The following TTC28 variants were observed in gnomAD, a reference collection of about 807,000 sequenced individuals.
TTC28 encodes tetratricopeptide repeat domain 28.
Under a neutral mutation model 198.0 loss-of-function variants are expected in TTC28, and 61 were observed. The ratio of observed to expected loss-of-function variants is 0.31; its 90% CI spans 0.25 to 0.38. The LOEUF is 0.38. TTC28 is among the 10% of genes least tolerant of loss of function. TTC28 has a pLI of 1.00. For missense variants in TTC28, 2,678 were observed against 3,164.0 expected, an observed-to-expected ratio of 0.85 and a Z score of 3.69; for synonymous variants, 1,171 against 1,297.8, an observed-to-expected ratio of 0.90 and a Z score of 2.10.
Position 28,189,575 on chromosome 22 carries a change from C to T in TTC28, c.934-25976G>A, listed in dbSNP as rs1296431437. 4.0e-5 allele frequency among the ~76,000 whole-genome samples: 6 copies of T among 148,502 alleles called. No individual in the cohort carries two copies. The East Asian group carries it at 6.0e-4, about 15-fold the overall frequency. On this transcript the variant is annotated intron_variant, in intron 5 of 22. Coordinates refer to ENST00000397906, the MANE Select transcript of TTC28 (RefSeq NM_001145418.2). ...ATTCTACGCAATGAAAAAAAAAAAC[C>T]AAAAAGAAAAAAAAGACCTTCTGTG...
intron 2 of TTC28, among the ~76,000 whole-genome samples, chr22:28,557,601 T>C (rs1250155266): frequency 6.6e-6 from 1 of 152,234 alleles, no homozygotes; most frequent in Non-Finnish European, 1.5e-5. Flanking sequence ...ATTTTATGCA[T>C]AGTTATTTAA....
At chr22:28,679,471 C>G in intron 1 of TTC28, 151 bp downstream of exon 1, 1 of 513,890 alleles carries the variant, frequency 1.9e-6, no homozygotes, top group Non-Finnish European at 3.3e-6. Context: ...GACCAGGTCC[C>G]GCCGCCTCAC....
chr22:28,360,199 A>T (rs2046137523), intron 2 of TTC28, among the ~76,000 whole-genome samples: 1 of 152,074 alleles, frequency 6.6e-6, no homozygotes, highest in East Asian at 1.9e-4. Context: ...CTTCAAACAA[A>T]ATCTTAACCA....
intron 2 of TTC28, among the ~76,000 whole-genome samples, chr22:28,516,918 G>A (rs979886426): frequency 7.9e-5 from 12 of 152,126 alleles, no homozygotes; most frequent in African/African-American, 2.7e-4. Context: ...TCACTTGCCA[G>A]TCGAAAGTAT....
chr22:28,236,123 C>T (rs1470486432), intron 5 of TTC28, among the ~76,000 whole-genome samples: 1 of 152,178 alleles, frequency 6.6e-6, no homozygotes, highest in African/African-American at 2.4e-5. Flanking sequence ...CCCCACAGAT[C>T]CCCTCCACAC....
intron 2 of TTC28, among the ~76,000 whole-genome samples, chr22:28,332,309 T>C (rs1199619904): frequency 6.6e-6 from 1 of 152,122 alleles, no homozygotes; most frequent in Non-Finnish European, 1.5e-5. Flanking sequence ...ATTAATATCT[T>C]ATGTAAAGAA....
rs527648400 is a variant in TTC28 at position 28,423,328 on chromosome 22, T to C, written c.382-116685A>G. Among the ~76,000 whole-genome samples the C allele has an allele frequency of 2.4e-4, 37 of 152,144 alleles. No individual in the cohort carries two copies. The East Asian group carries it at 6.2e-3, about 25-fold the overall frequency. On this transcript the variant is annotated intron_variant, in intron 2 of 22. Transcript: ENST00000397906. ...TTGCTTGAACCCAGGAGGCAGAGGT[T>C]GCAGTGAGCCAAGATTGCACCACTG...
intron 5 of TTC28, among the ~76,000 whole-genome samples, chr22:28,245,006 T>C (rs971908915): frequency 1.3e-5 from 2 of 152,144 alleles, no homozygotes; most frequent in African/African-American, 4.8e-5. Flanking sequence ...AGTAGAAACA[T>C]TATGTATTCA....
At chr22:28,321,554 T>G (rs1446705458) in intron 2 of TTC28, among the ~76,000 whole-genome samples, 1 of 152,190 alleles carries the variant, frequency 6.6e-6, no homozygotes, top group East Asian at 1.9e-4. Context: ...TTTGTAGCTC[T>G]GTGATTTGGG....
At chr22:28,407,186 A>C (rs1463652172) in intron 2 of TTC28, among the ~76,000 whole-genome samples, 3 of 152,226 alleles carry the variant, frequency 2.0e-5, no homozygotes, top group Non-Finnish European at 4.4e-5. Context: ...ATTCTGACTT[A>C]TTTTAACCTA....
chr22:28,386,273 T>TC (rs1233360267), intron 2 of TTC28, among the ~76,000 whole-genome samples: 3 of 17,592 alleles, frequency 1.7e-4, no homozygotes. Flanking sequence ...AGACTCCGTC[T>TC]CAAAAAAAAA....
At chr22:28,560,265 T>C (rs757285974) in intron 2 of TTC28, among the ~76,000 whole-genome samples, 6 of 152,212 alleles carry the variant, frequency 3.9e-5, no homozygotes, top group Non-Finnish European at 8.8e-5. Flanking sequence ...TAAGTTATCA[T>C]TTCTTTCCTG....
intron 5 of TTC28, among the ~76,000 whole-genome samples, chr22:28,223,050 G>A (rs1205035333): frequency 1.3e-5 from 2 of 152,132 alleles, no homozygotes; most frequent in African/African-American, 2.4e-5. Flanking sequence ...TCAGACTTTT[G>A]GAGAGAAAAT....
intron 5 of TTC28, among the ~76,000 whole-genome samples, chr22:28,168,501 C>A (rs1455590199): frequency 6.6e-6 from 1 of 152,030 alleles, no homozygotes; most frequent in Non-Finnish European, 1.5e-5. Context: ...AGAACAGAGC[C>A]CTCAGAAATA....
intron 1 of TTC28, among the ~76,000 whole-genome samples, chr22:28,672,088 G>T (rs951745006): frequency 1.1e-4 from 17 of 151,920 alleles, no homozygotes; most frequent in Admixed American, 7.9e-4. Context: ...GTGCAGTGGT[G>T]TGATCTCAGC....
In TTC28 at chr22:28,007,983, A is replaced by C. The variant is rs1389560160; in HGVS notation, c.4218+6265T>G. 2.0e-5 allele frequency: 3 copies of C among 152,206 alleles called. 1 individual carries two copies. Among genetic ancestry groups the C allele is most frequent in the Admixed American group, 2.0e-4 (3 of 15,282 alleles). The allele number at this position is 152,206 out of a possible 1,614,324, so 9.4% of individuals were successfully genotyped here. A position where few individuals can be genotyped will look rare whatever the true frequency, so the allele number is the denominator to read the frequency against. Reference sequence around the variant, plus strand: ...ACTACAGATGTCTCAATCAGAAATCAATTAGACAGCCTGGTGGTGGGGCTG... The same window carrying C: ...ACTACAGATGTCTCAATCAGAAATCCATTAGACAGCCTGGTGGTGGGGCTG... On this transcript the variant is annotated intron_variant, in intron 14 of 22. Transcript: ENST00000397906.
chr22:28,184,966 T>A (rs1323619945), intron 5 of TTC28, among the ~76,000 whole-genome samples: 1 of 152,156 alleles, frequency 6.6e-6, no homozygotes, highest in African/African-American at 2.4e-5. Context: ...ACTCAAGGTC[T>A]AGCAAAATGC....
At chr22:28,394,926 T>C (rs750729904) in intron 2 of TTC28, among the ~76,000 whole-genome samples, 29 of 152,160 alleles carry the variant, frequency 1.9e-4, no homozygotes, top group Non-Finnish European at 4.0e-4. Flanking sequence ...TATGACTATG[T>C]GCTCCAGAAC....
intron 5 of TTC28, among the ~76,000 whole-genome samples, chr22:28,166,118 A>G (rs1353903694): frequency 6.6e-6 from 1 of 152,228 alleles, no homozygotes; most frequent in Non-Finnish European, 1.5e-5. Flanking sequence ...CAATTCAACA[A>G]GAAGAGCTAT....
Sources: gnomAD v4.1 joint callset for allele counts (sites outside exome capture counted in the v4.1 genomes callset) on GRCh38, gnomAD v4.1.1 for gene constraint, MANE v1.5 for transcripts, NCBI Gene and HGNC (gene_info 2026-07-23, HGNC 2026-07-21) for gene names.